Variants in ZFHX3 observed in about 807,000 individuals in gnomAD.
ZFHX3 encodes zinc finger homeobox 3.
A neutral mutation model predicts 279.1 loss-of-function variants in ZFHX3; 42 were observed. The observed-to-expected ratio is 0.15, with a 90% CI of 0.12 to 0.19. The LOEUF (loss-of-function observed/expected upper bound fraction) is 0.19. ZFHX3 is among the 10% of genes least tolerant of loss of function. The pLI, the probability that ZFHX3 is intolerant of heterozygous loss-of-function variation, is 1.00. For missense variants in ZFHX3, 4,981 were observed against 4,754.0 expected, an observed-to-expected ratio of 1.05 and a Z score of -1.40; for synonymous variants, 2,293 against 1,957.8, an observed-to-expected ratio of 1.17 and a Z score of -4.52.
chr16:73,235,206 A>G (rs1437590783), intron 5 of ZFHX3, among the ~76,000 whole-genome samples: 1 of 152,082 alleles, frequency 6.6e-6, no homozygotes, highest in East Asian at 1.9e-4. Context: ...AGTAGCTGGG[A>G]TTACAGGTGC....
chr16:72,852,980 A>G (rs1282760687), intron 4 of ZFHX3, among the ~76,000 whole-genome samples: 1 of 152,256 alleles, frequency 6.6e-6, no homozygotes, highest in Non-Finnish European at 1.5e-5. Flanking sequence ...ACCCTCCAGT[A>G]GATCCACTTT....
At chr16:72,880,496 A>T (rs2038435162) in intron 4 of ZFHX3, among the ~76,000 whole-genome samples, 2 of 152,146 alleles carry the variant, frequency 1.3e-5, no homozygotes, top group African/African-American at 4.8e-5. Flanking sequence ...AGGCCTCGGG[A>T]GAAGCCAAAA....
intron 7 of ZFHX3, among the ~76,000 whole-genome samples, chr16:73,129,651 T>C (rs913778188): frequency 6.6e-6 from 1 of 151,600 alleles, no homozygotes; most frequent in African/African-American, 2.4e-5. Flanking sequence ...TGTGCGTGTG[T>C]GCATGTATGT....
chr16:73,711,599 G>A (rs924910910), intron 1 of ZFHX3, among the ~76,000 whole-genome samples: 4 of 152,078 alleles, frequency 2.6e-5, no homozygotes, highest in Non-Finnish European at 5.9e-5. Flanking sequence ...TATGACTGAG[G>A]CAGACACCAC....
rs192239779 is a variant in ZFHX3, at chr16:73,746,740, C to G, written c.-1607-66500G>C. ...AACCAAATTATCCAGCAGTCTGAATCATTCCTTAAGTAAGATAACAAATGC... is the reference window on the plus strand; with the variant it reads ...AACCAAATTATCCAGCAGTCTGAATGATTCCTTAAGTAAGATAACAAATGC... On this transcript the variant is annotated intron_variant, in intron 1 of 17. Transcript: ENST00000641206. Among the ~76,000 whole-genome samples the G allele has an allele frequency of 1.1e-3, 160 of 152,302 alleles. 1 individual carries two copies. The highest frequency in any genetic ancestry group is 1.6e-3 in the Non-Finnish European group (108 of 68,026).
chr16:73,109,280 G>A (rs1052493552), intron 7 of ZFHX3, among the ~76,000 whole-genome samples: 2 of 152,162 alleles, frequency 1.3e-5, no homozygotes, highest in Non-Finnish European at 1.5e-5. Context: ...GAAACATTTT[G>A]TTCTGTAAAT....
At chr16:73,348,251 A>G (rs11150483) in intron 3 of ZFHX3, among the ~76,000 whole-genome samples, 108,661 of 151,978 alleles carry the variant, frequency 0.71, 39,519 homozygotes, top group African/African-American at 0.83. Context: ...AAGTTTACTT[A>G]ACATTGGTGA....
At chr16:72,938,423 A>G (rs2144332541) in intron 3 of ZFHX3, among the ~76,000 whole-genome samples, 1 of 152,358 alleles carries the variant, frequency 6.6e-6, no homozygotes, top group Non-Finnish European at 1.5e-5. Flanking sequence ...AAATCTCCCC[A>G]GGTGACTTGA....
At chr16:73,262,937 G>A (rs570764162) in intron 4 of ZFHX3, among the ~76,000 whole-genome samples, 1 of 152,146 alleles carries the variant, frequency 6.6e-6, no homozygotes, top group African/African-American at 2.4e-5. Flanking sequence ...AGACATGTGA[G>A]TGAGGGGCCC....
At chr16:72,979,671 A>G (rs944160456) in intron 1 of ZFHX3, among the ~76,000 whole-genome samples, 3 of 152,234 alleles carry the variant, frequency 2.0e-5, no homozygotes, top group Admixed American at 6.5e-5. Context: ...TGGCCCCATA[A>G]GAATACCTAG....
At chr16:73,760,514 C>G (rs1484209090) in intron 1 of ZFHX3, among the ~76,000 whole-genome samples, 2 of 151,936 alleles carry the variant, frequency 1.3e-5, no homozygotes, top group Non-Finnish European at 2.9e-5. Context: ...CATCCTGATA[C>G]CAAAACCTGA....
intron 1 of ZFHX3, among the ~76,000 whole-genome samples, chr16:73,848,135 A>G (rs568213979): frequency 6.6e-6 from 1 of 152,046 alleles, no homozygotes; most frequent in East Asian, 1.9e-4. Context: ...TTTACACTCA[A>G]TCTAGTCTAG....
chr16:72,985,266 G>C (rs1488851019), intron 1 of ZFHX3, among the ~76,000 whole-genome samples: 1 of 152,148 alleles, frequency 6.6e-6, no homozygotes, highest in Non-Finnish European at 1.5e-5. Flanking sequence ...TATCATCTCA[G>C]GCGCCACCGA....
intron 4 of ZFHX3, among the ~76,000 whole-genome samples, chr16:73,307,490 T>G (rs1179146685): frequency 6.6e-6 from 1 of 152,224 alleles, no homozygotes; most frequent in East Asian, 1.9e-4. Context: ...TGCTTCTTTC[T>G]GCAAAAACAT....
chr16:73,627,748 C>T (rs1335078195), intron 2 of ZFHX3, among the ~76,000 whole-genome samples: 1 of 152,118 alleles, frequency 6.6e-6, no homozygotes, highest in East Asian at 1.9e-4. Context: ...GAAACCCTGT[C>T]TCTACTAAAA....
chr16:73,718,067 C>G (rs2053433633), intron 1 of ZFHX3, among the ~76,000 whole-genome samples: 2 of 152,206 alleles, frequency 1.3e-5, no homozygotes, highest in Non-Finnish European at 2.9e-5. Context: ...CTCCACTCCT[C>G]CCAGCCCCTC....
intron 1 of ZFHX3, among the ~76,000 whole-genome samples, chr16:73,817,004 A>T (rs1233277948): frequency 6.6e-6 from 1 of 152,146 alleles, no homozygotes; most frequent in African/African-American, 2.4e-5. Flanking sequence ...GAGCCATGGG[A>T]CTGGACATAA....
chr16:73,742,039 A>G (rs190290066), intron 1 of ZFHX3, among the ~76,000 whole-genome samples: 2 of 152,364 alleles, frequency 1.3e-5, no homozygotes, highest in African/African-American at 4.8e-5. Flanking sequence ...CTGGAGATCC[A>G]CATTTCAAGG....
chr16:73,216,500 AGTCAAGAG>A (rs2012214117), intron 5 of ZFHX3, among the ~76,000 whole-genome samples: 1 of 152,230 alleles, frequency 6.6e-6, no homozygotes, highest in Non-Finnish European at 1.5e-5. Flanking sequence ...TGAACTCCAA[AGTCAAGAG>A]TCAACTCATT....
Sources: allele counts gnomAD v4.1 joint callset (sites outside exome capture counted in the v4.1 genomes callset), GRCh38; gene constraint gnomAD v4.1.1; transcripts MANE v1.5; gene names NCBI Gene and HGNC (gene_info 2026-07-23, HGNC 2026-07-21).